SLC39A9: variants seen among roughly 807,000 people sequenced by gnomAD.
SLC39A9 encodes the protein solute carrier family 39 member 9.
A neutral mutation model predicts 28.4 loss-of-function variants in SLC39A9; 14 were observed. The observed-to-expected ratio is 0.49, with a 90% CI of 0.33 to 0.77. The LOEUF is 0.77. Ranked by LOEUF, SLC39A9 falls within the 30% of genes least tolerant of loss-of-function variation. SLC39A9 has a pLI of 0.02. For synonymous variants in SLC39A9, 119 were observed against 149.6 expected, an observed-to-expected ratio of 0.80 and a Z score of 1.49; for missense variants, 283 against 381.1, an observed-to-expected ratio of 0.74 and a Z score of 2.14.
intron 1 of SLC39A9, among the ~76,000 whole-genome samples, chr14:69,412,953 A>G (rs1883354239): frequency 6.6e-6 from 1 of 152,230 alleles, no homozygotes; most frequent in Non-Finnish European, 1.5e-5. Context: ...CTCATCCTAC[A>G]AACTCAAATT....
Position 69,460,354 on chromosome 14 carries a change from T to C in SLC39A9, c.*1761T>C. ...AGCACAAATAGGATACAGTTGTATG[T>C]AGTCATTGGCAACAATTGCATACAA... On this transcript the variant is annotated 3_prime_UTR_variant, in exon 7 of 7. Transcript: ENST00000336643. 1.0e-6 allele frequency: 1 copy of C among 985,482 alleles called. No homozygotes were observed. The highest frequency in any genetic ancestry group is 1.2e-6 in the Non-Finnish European group (1 of 829,904). 61.0% of individuals were successfully genotyped at this position (985,482 alleles called of 1,614,324 possible). A position where few individuals can be genotyped will look rare whatever the true frequency, so the allele number is the denominator to read the frequency against.
intron 1 of SLC39A9, among the ~76,000 whole-genome samples, chr14:69,420,956 A>G (rs1017690257): frequency 6.6e-6 from 1 of 152,136 alleles, no homozygotes; most frequent in African/African-American, 2.4e-5. Flanking sequence ...TTTAGCTTGG[A>G]GAAGTTTGTT....
At position 69,412,099 on chromosome 14, in the gene SLC39A9, G is replaced by A. The variant is rs1246217786; in HGVS notation, c.97-11995G>A. On this transcript the variant is annotated intron_variant, in intron 1 of 6. Coordinates refer to ENST00000336643, the MANE Select transcript of SLC39A9 (RefSeq NM_018375.5). ...CCCAGCCTATGGCCCTTTATTAAAT[G>A]TATTTGCCGGCTGGGCACAGTGACT... Among the ~76,000 whole-genome samples the A allele has an allele frequency of 8.6e-5, 13 of 150,782 alleles. No homozygotes were observed. The East Asian group carries it at 2.7e-3, about 31-fold the overall frequency.
intron 1 of SLC39A9, among the ~76,000 whole-genome samples, chr14:69,403,408 C>T (rs193000303): frequency 6.6e-6 from 1 of 152,250 alleles, no homozygotes. Flanking sequence ...AGTATGTCTC[C>T]TCTTTGTCAC....
At chr14:69,425,413 T>A (rs1327950988) in intron 2 of SLC39A9, among the ~76,000 whole-genome samples, 1 of 152,188 alleles carries the variant, frequency 6.6e-6, no homozygotes, top group African/African-American at 2.4e-5. Context: ...AGTTGTTTTC[T>A]AAAGTTGTCT....
intron 1 of SLC39A9, among the ~76,000 whole-genome samples, chr14:69,405,016 C>T (rs1322955648): frequency 6.6e-6 from 1 of 152,204 alleles, no homozygotes; most frequent in Non-Finnish European, 1.5e-5. Flanking sequence ...CTTCATGGGG[C>T]GGCAGGATGG....
intron 2 of SLC39A9, among the ~76,000 whole-genome samples, chr14:69,430,470 T>A (rs968511454): frequency 1.3e-5 from 2 of 152,194 alleles, no homozygotes; most frequent in African/African-American, 4.8e-5. Flanking sequence ...TTGTCAAAAA[T>A]CAATTAACTG....
At chr14:69,446,433 G>C (rs939558652) in intron 3 of SLC39A9, among the ~76,000 whole-genome samples, 63 of 151,364 alleles carry the variant, frequency 4.2e-4, no homozygotes, top group African/African-American at 9.5e-4. Flanking sequence ...GGAACATCTA[G>C]AACTGAAAAA....
intron 1 of SLC39A9, among the ~76,000 whole-genome samples, chr14:69,411,324 C>A (rs1883252498): frequency 6.6e-6 from 1 of 151,820 alleles, no homozygotes; most frequent in African/African-American, 2.4e-5. Context: ...ACCTTGGTGT[C>A]TGCCAAGAAA....
rs1009433480 is a variant in SLC39A9, at chr14:69,419,887, G to A, written c.97-4207G>A. On this transcript the variant is annotated intron_variant, in intron 1 of 6. Transcript: ENST00000336643. ...CCATCCCTTTATTTTGAGCCTATGT[G>A]TGTCCCTGCATGAGAGATGGGTCTC... is the stretch of plus-strand genomic sequence containing the variant. 7.9e-5 allele frequency among the ~76,000 whole-genome samples: 12 copies of A among 152,230 alleles called. 1 individual carries two copies. The South Asian group carries it at 2.5e-3, about 32-fold the overall frequency.
intron 1 of SLC39A9, among the ~76,000 whole-genome samples, chr14:69,407,417 A>C (rs1882996840): frequency 6.6e-6 from 1 of 150,962 alleles, no homozygotes; most frequent in Non-Finnish European, 1.5e-5. Flanking sequence ...GACTCACCAT[A>C]ACCTCCGCCT....
chr14:69,407,184 G>A (rs1260867877), intron 1 of SLC39A9, among the ~76,000 whole-genome samples: 1 of 151,698 alleles, frequency 6.6e-6, no homozygotes, highest in Non-Finnish European at 1.5e-5. Context: ...ATTTTTAAAT[G>A]AAAAGGTCTT....
chr14:69,431,998 C>T (rs1386609553), intron 2 of SLC39A9, among the ~76,000 whole-genome samples: 2 of 152,090 alleles, frequency 1.3e-5, no homozygotes, highest in Non-Finnish European at 2.9e-5. Context: ...TCCTTGCTAT[C>T]GAGAATAGTG....
chr14:69,455,753 G>A lies in SLC39A9; in HGVS notation c.580G>A (p.Val194Ile). The A allele has an allele frequency of 1.2e-6, 2 of 1,614,194 alleles. No individual in the cohort carries two copies. The highest frequency in any genetic ancestry group is 1.7e-6 in the Non-Finnish European group (2 of 1,180,036). Residue 194 changes from valine to isoleucine, a missense_variant, in exon 6 of 7, where the codon GTT (valine) becomes ATT (isoleucine). Coordinates refer to ENST00000336643, the MANE Select transcript of SLC39A9 (RefSeq NM_018375.5). ...LHKAPAAFGL[V>I]SFLMHAGLER... ...CCAGGCACCAGCTGCTTTTGGACTG[G>A]TTTCCTTCTTGATGCATGCTGGCTT...
At chr14:69,452,462 G>A (rs749157815) in intron 3 of SLC39A9, among the ~76,000 whole-genome samples, 6 of 152,164 alleles carry the variant, frequency 3.9e-5, no homozygotes, top group Admixed American at 2.0e-4. Flanking sequence ...CCAAGTAGCC[G>A]AGATTACAGG....
upstream of SLC39A9, chr14:69,398,610 A>C (rs914624751): frequency 6.9e-6 from 2 of 290,238 alleles, no homozygotes; most frequent in Admixed American, 5.1e-5. Context: ...CAACGTAAGT[A>C]TCCTGGGCCG....
chr14:69,423,969 T>C, intron 1 of SLC39A9, 125 bp from the exon 2 acceptor site: 1 of 611,790 alleles, frequency 1.6e-6, no homozygotes, highest in Non-Finnish European at 2.9e-6. Flanking sequence ...TTTTTCATCT[T>C]CGCTGTCTAT....
At chr14:69,400,561 C>CAGT (rs1882576950) in intron 1 of SLC39A9, among the ~76,000 whole-genome samples, 1 of 152,164 alleles carries the variant, frequency 6.6e-6, no homozygotes, top group Non-Finnish European at 1.5e-5. Flanking sequence ...GCCCTAGTTT[C>CAGT]AGTGCCATTC....
At chr14:69,420,328 CA>C (rs1163302805) in intron 1 of SLC39A9, among the ~76,000 whole-genome samples, 2 of 152,212 alleles carry the variant, frequency 1.3e-5, no homozygotes, top group African/African-American at 4.8e-5. Context: ...TATTGGCCCC[CA>C]CTCTCTTCTG....
Sources: gnomAD v4.1 joint callset for allele counts (sites outside exome capture counted in the v4.1 genomes callset) on GRCh38, gnomAD v4.1.1 for gene constraint, MANE v1.5 for transcripts, NCBI Gene and HGNC (gene_info 2026-07-23, HGNC 2026-07-21) for gene names.